The following GBE1 variants were observed in gnomAD, a reference collection of about 807,000 sequenced individuals.
GBE1 encodes the protein 1,4-alpha-glucan branching enzyme 1.
Under a neutral mutation model 88.8 loss-of-function variants are expected in GBE1, and 70 were observed. The ratio of observed to expected loss-of-function variants is 0.79; its 90% CI spans 0.65 to 0.96. GBE1 has a LOEUF of 0.96. Among genes scored for constraint, GBE1 ranks in the 40% least tolerant of loss-of-function variants. The pLI is 0.00. For synonymous variants in GBE1, 284 were observed against 300.1 expected, an observed-to-expected ratio of 0.95 and a Z score of 0.56; for missense variants, 872 against 871.0, an observed-to-expected ratio of 1.00 and a Z score of -0.01.
chr3:81,737,696 T>C (rs910827474), intron 1 of GBE1, among the ~76,000 whole-genome samples: 8 of 151,644 alleles, frequency 5.3e-5, no homozygotes, highest in African/African-American at 1.9e-4. Flanking sequence ...CTCATTTTTG[T>C]TGAATTTTAT....
Position 81,593,968 on chromosome 3 carries a change from G to C in GBE1, c.1048C>G (p.Arg350Gly). The C allele has an allele frequency of 1.3e-6, 2 of 1,585,996 alleles. No individual in the cohort carries two copies. Among genetic ancestry groups the C allele is most frequent in the Non-Finnish European group, 1.7e-6 (2 of 1,164,566 alleles). Residue 350 changes from arginine (R) to glycine (G), a missense_variant, in exon 8 of 16, where the codon CGC becomes GGC. Arg to Gly is a moderately radical substitution (Grantham distance 125). Coordinates refer to ENST00000429644, the MANE Select transcript of GBE1 (RefSeq NM_000158.4). ...SNIRWWLEEY[R>G]FDGFRFDGVT... The stretch of plus-strand genomic sequence containing the variant: ...CCATCAAAACGAAATCCATCAAAGC[G>C]ATATTCTTCCAACCACCATCTTATG...
intron 1 of GBE1, among the ~76,000 whole-genome samples, chr3:81,744,927 A>G (rs1005938799): frequency 2.0e-5 from 3 of 152,224 alleles, no homozygotes; most frequent in Non-Finnish European, 4.4e-5. Context: ...TGAGAACTTA[A>G]AGCAATTCAA....
At chr3:81,497,093 G>A (rs564466148) in intron 15 of GBE1, among the ~76,000 whole-genome samples, 1 of 152,226 alleles carries the variant, frequency 6.6e-6, no homozygotes, top group South Asian at 2.1e-4. Context: ...TTTCCACACT[G>A]GTGAGATCAA....
intron 14 of GBE1, among the ~76,000 whole-genome samples, chr3:81,523,573 A>C (rs900204420): frequency 6.6e-6 from 1 of 151,604 alleles, no homozygotes; most frequent in Non-Finnish European, 1.5e-5. Context: ...GTGCTATCAA[A>C]TATTAGGTCT....
Position 81,581,036 on chromosome 3 carries a change from CAT to C in GBE1, c.1446+127_1446+128del, listed in dbSNP as rs975749468. ...AGATATATATTAATACACACACACA[CAT>C]ACACACATTATAGTAACTACAGAGG... On this transcript the variant is annotated intron_variant, in intron 11 of 15. Coordinates refer to ENST00000429644, the MANE Select transcript of GBE1 (RefSeq NM_000158.4). 44 of 595,248 alleles carry C rather than the reference CAT, an allele frequency of 7.4e-5. No individual in the cohort carries two copies. The Admixed American group carries it at 1.1e-3, about 15-fold the overall frequency. The allele number at this position is 595,248 out of a possible 1,614,324, so 36.9% of individuals were successfully genotyped here. A position where few individuals can be genotyped will look rare whatever the true frequency, so the allele number is the denominator to read the frequency against.
intron 12 of GBE1, among the ~76,000 whole-genome samples, chr3:81,546,243 C>T (rs1703203502): frequency 6.6e-6 from 1 of 151,968 alleles, no homozygotes; most frequent in Non-Finnish European, 1.5e-5. Context: ...CAAACTCACA[C>T]ACACACTAAC....
At chr3:81,741,791 G>A (rs1027660869) in intron 1 of GBE1, among the ~76,000 whole-genome samples, 1 of 147,160 alleles carries the variant, frequency 6.8e-6, no homozygotes, top group Non-Finnish European at 1.5e-5. Context: ...ATAATATATA[G>A]AGTATTATAC....
At chr3:81,592,494 C>T (rs1000328037) in intron 8 of GBE1, among the ~76,000 whole-genome samples, 2 of 151,982 alleles carry the variant, frequency 1.3e-5, no homozygotes, top group South Asian at 2.1e-4. Context: ...AAATCAAATA[C>T]TGTGTCTTGA....
chr3:81,624,825 C>G (rs986022935), intron 7 of GBE1, among the ~76,000 whole-genome samples: 3 of 152,114 alleles, frequency 2.0e-5, no homozygotes, highest in Admixed American at 6.6e-5. Flanking sequence ...TGGAAAAGAA[C>G]CAAGTCTCCT....
At chr3:81,626,889 A>AT (rs1704425425) in intron 7 of GBE1, among the ~76,000 whole-genome samples, 1 of 152,196 alleles carries the variant, frequency 6.6e-6, no homozygotes, top group South Asian at 2.1e-4. Flanking sequence ...TTCTAAAGAA[A>AT]TGTGCTGAAT....
intron 1 of GBE1, among the ~76,000 whole-genome samples, chr3:81,728,656 G>A (rs990939973): frequency 3.3e-5 from 5 of 151,902 alleles, no homozygotes; most frequent in African/African-American, 9.7e-5. Flanking sequence ...AGAGAGGGGA[G>A]AAGAGAGAGT....
chr3:81,702,897 G>A (rs1705721143), intron 2 of GBE1, among the ~76,000 whole-genome samples: 1 of 151,904 alleles, frequency 6.6e-6, no homozygotes, highest in Admixed American at 6.6e-5. Context: ...TAATAAATGA[G>A]CAATAGTCAT....
chr3:81,594,020 C>G lies in GBE1; in HGVS notation c.996G>C (p.Trp332Cys). The G allele has an allele frequency of 7.1e-7, 1 of 1,403,518 alleles. No homozygotes were observed. The highest frequency in any genetic ancestry group is 1.2e-5 in the South Asian group (1 of 80,304). The allele number at this position is 1,403,518 out of a possible 1,614,324, so 86.9% of individuals were successfully genotyped here. A position where few individuals can be genotyped will look rare whatever the true frequency, so the allele number is the denominator to read the frequency against. Reference protein sequence around the residue: ...WDSRLFAYSSWEILRFLLSNI... With the variant: ...WDSRLFAYSSCEILRFLLSNI... ...TTGACAGAAGGAATCTTAAAATTTC[C>G]CAGCTAAAATATAAGAGAAATATGT... The change falls in exon 8 of 16, where the codon TGG becomes TGC. Residue 332 changes from tryptophan (W) to cysteine (C), a missense_variant. Trp to Cys is a radical substitution (Grantham distance 215). Transcript: ENST00000429644.
chr3:81,537,055 T>A lies in GBE1; in HGVS notation c.1659A>T (p.Arg553Ser). The A allele has an allele frequency of 1.9e-6, 3 of 1,564,656 alleles. No individual in the cohort carries two copies. The highest frequency in any genetic ancestry group is 2.6e-6 in the Non-Finnish European group (3 of 1,159,964). Residue 553 changes from arginine (R) to serine (S), a missense_variant, in exon 13 of 16, where the codon AGA (arginine) becomes AGT (serine). Transcript: ENST00000429644. ...FGHPEWLDFP[R>S]KGNNESYHYA... ...AATGGTAACTCTCATTATTTCCTTT[T>A]CTTGGGAAGTCTAACCATTCAGGAT...
chr3:81,720,087 G>C (rs1049467921), intron 1 of GBE1, among the ~76,000 whole-genome samples: 5 of 152,012 alleles, frequency 3.3e-5, no homozygotes, highest in Non-Finnish European at 5.9e-5. Flanking sequence ...CTAAATAGCA[G>C]TGAAATATCA....
chr3:81,512,982 G>C (rs548139620), intron 14 of GBE1, among the ~76,000 whole-genome samples: 1 of 151,692 alleles, frequency 6.6e-6, no homozygotes, highest in African/African-American at 2.4e-5. Context: ...TGAATGGGCT[G>C]AGCTAGGTTA....
chr3:81,652,308 G>A (rs1245135794), intron 3 of GBE1, among the ~76,000 whole-genome samples: 9 of 152,196 alleles, frequency 5.9e-5, no homozygotes, highest in Admixed American at 5.9e-4. Flanking sequence ...CTCTGTTCTA[G>A]GAGTCCTGGG....
At chr3:81,515,987 T>C (rs1300369791) in intron 14 of GBE1, among the ~76,000 whole-genome samples, 1 of 151,646 alleles carries the variant, frequency 6.6e-6, no homozygotes, top group Non-Finnish European at 1.5e-5. Flanking sequence ...AAAGACATCT[T>C]CATAACATAA....
Position 81,761,460 on chromosome 3 carries a change from C to T in GBE1, c.58G>A (p.Ala20Thr). The T allele has an allele frequency of 3.1e-6, 5 of 1,613,522 alleles. No homozygotes were observed. In the South Asian group the frequency reaches 4.4e-5, roughly 14 times the overall value. Reference sequence around the variant, plus strand: ...AGTTCGGGCACGTCAGCCAGGGCGGCATTGAGCGCCGCCTCGTAGTCCTCG... The same window carrying T: ...AGTTCGGGCACGTCAGCCAGGGCGGTATTGAGCGCCGCCTCGTAGTCCTCG... ...RPEDYEAALNAALADVPELAR... is the reference protein window; with the variant it reads ...RPEDYEAALNTALADVPELAR... Residue 20 changes from alanine (A) to threonine (T), a missense_variant, in exon 1 of 16, where the codon GCC becomes ACC. Coordinates refer to ENST00000429644, the MANE Select transcript of GBE1 (RefSeq NM_000158.4).
Sources: gnomAD v4.1 joint callset for allele counts (sites outside exome capture counted in the v4.1 genomes callset) on GRCh38, gnomAD v4.1.1 for gene constraint, MANE v1.5 for transcripts, NCBI Gene and HGNC (gene_info 2026-07-23, HGNC 2026-07-21) for gene names.